The following DNAH7 variants were observed in gnomAD, a reference collection of about 807,000 sequenced individuals.
DNAH7 encodes the protein axonemal beta dynein heavy chain 7.
In DNAH7, 397 loss-of-function variants were observed where a neutral mutation model predicts 444.6. The observed-to-expected ratio is 0.89, with a 90% confidence interval of 0.82 to 0.97. The LOEUF is 0.97. DNAH7 is among the 50% of genes least tolerant of loss of function. The pLI, the probability that DNAH7 is intolerant of heterozygous loss-of-function variation, is 0.00. For synonymous variants in DNAH7, 1,636 were observed against 1,624.4 expected (o/e 1.01, Z -0.17); for missense variants, 4,902 against 4,800.8 (o/e 1.02, Z -0.62).
intron 27 of DNAH7, chr2:195,904,577 T>A (rs1164968664): frequency 1.3e-5 from 2 of 152,206 alleles, no homozygotes; most frequent in Non-Finnish European, 2.9e-5. Context: ...TATGATTAGA[T>A]TTCTTTTGAT....
At chr2:195,969,025 G>A (rs1691668611) in intron 17 of DNAH7, among the ~76,000 whole-genome samples, 2 of 152,252 alleles carry the variant, frequency 1.3e-5, no homozygotes, top group South Asian at 2.1e-4. Context: ...CAGCATCAGC[G>A]TTTCAAGACT....
At chr2:195,987,803 TACC>T (rs1693021840) in intron 13 of DNAH7, among the ~76,000 whole-genome samples, 151 bp downstream of exon 13, 1 of 152,098 alleles carries the variant, frequency 6.6e-6, no homozygotes, top group African/African-American at 2.4e-5. Flanking sequence ...ACTCAGGGCT[TACC>T]ACAATGCTAG....
rs766688323 is a variant in DNAH7, at chr2:196,054,108, A to G, written c.79-2859T>C. Among the ~76,000 whole-genome samples the G allele has an allele frequency of 5.3e-5, 8 of 152,236 alleles. 1 individual carries two copies. Among genetic ancestry groups the G allele is most frequent in the African/African-American group, 1.2e-4 (5 of 41,472 alleles). ...CCTGTCAGAGCCACCAATAGGTTCC[A>G]AAATATCTCCCTGTTAAAATCTAGC... On this transcript the variant is annotated intron_variant, in intron 2 of 64. Coordinates refer to ENST00000312428, the MANE Select transcript of DNAH7 (RefSeq NM_018897.3).
In DNAH7 at chr2:195,737,813, T is replaced by TAGTC. The variant is rs1692723854; in HGVS notation, c.*104_*107dup. ...ATAAGTAAATTCATAATTATAACTT[T>TAGTC]AGTCAAATGTATTTAAACAAACAAA... On this transcript the variant is annotated 3_prime_UTR_variant, in exon 65 of 65. Coordinates refer to ENST00000312428, the MANE Select transcript of DNAH7 (RefSeq NM_018897.3). 3 of 921,404 alleles carry TAGTC rather than the reference T, an allele frequency of 3.3e-6. No individual in the cohort carries two copies. Among genetic ancestry groups the TAGTC allele is most frequent in the South Asian group, 1.7e-5 (1 of 57,206 alleles). The allele number at this position is 921,404 out of a possible 1,614,324, so 57.1% of individuals were successfully genotyped here. A position where few individuals can be genotyped will look rare whatever the true frequency, so the allele number is the denominator to read the frequency against.
intron 10 of DNAH7, among the ~76,000 whole-genome samples, chr2:196,002,956 C>A (rs117549753): frequency 6.6e-6 from 1 of 150,444 alleles, no homozygotes; most frequent in Admixed American, 6.7e-5. Context: ...TGCAGTGAGC[C>A]GAGATGGTTC....
intron 49 of DNAH7, among the ~76,000 whole-genome samples, chr2:195,823,362 C>T (rs115852094): frequency 0.017 from 2,548 of 152,260 alleles, 67 homozygotes; most frequent in African/African-American, 0.058. Context: ...CCTAGTCACA[C>T]AATTCGGTCA....
At chr2:195,832,286 A>T (rs1470246894) in intron 48 of DNAH7, among the ~76,000 whole-genome samples, 1 of 152,312 alleles carries the variant, frequency 6.6e-6, no homozygotes, top group East Asian at 1.9e-4. Flanking sequence ...TGTGACTGAC[A>T]TCACAGAAAT....
chr2:195,846,949 A>ATATATG (rs1553535817), intron 46 of DNAH7, among the ~76,000 whole-genome samples: 2 of 137,216 alleles, frequency 1.5e-5, no homozygotes, highest in African/African-American at 5.7e-5. Context: ...ACTCCCATAT[A>ATATATG]TGTGTGTGTG....
chr2:195,814,053 G>GT (rs1697108870), intron 51 of DNAH7, among the ~76,000 whole-genome samples: 1 of 151,962 alleles, frequency 6.6e-6, no homozygotes, highest in Admixed American at 6.5e-5. Flanking sequence ...GGGGGAGAGG[G>GT]TTAGTGATCA....
intron 19 of DNAH7, among the ~76,000 whole-genome samples, chr2:195,950,465 C>T (rs1467623832): frequency 2.0e-5 from 3 of 151,954 alleles, no homozygotes; most frequent in South Asian, 2.1e-4. Flanking sequence ...TCCCCTTTAT[C>T]ATTTTTTTTA....
At chr2:195,826,467 A>G (rs769916438) in intron 48 of DNAH7, among the ~76,000 whole-genome samples, 6 of 152,228 alleles carry the variant, frequency 3.9e-5, no homozygotes, top group Non-Finnish European at 4.4e-5. Flanking sequence ...TGACAAAGCA[A>G]AGCAGGGACA....
intron 47 of DNAH7, among the ~76,000 whole-genome samples, chr2:195,834,887 A>G (rs542661798): frequency 6.6e-6 from 1 of 152,266 alleles, no homozygotes; most frequent in Non-Finnish European, 1.5e-5. Flanking sequence ...GCATAATTTT[A>G]TATCATCTGA....
intron 1 of DNAH7, among the ~76,000 whole-genome samples, chr2:196,067,378 C>T (rs1463134274): frequency 6.6e-6 from 1 of 152,070 alleles, no homozygotes; most frequent in African/African-American, 2.4e-5. Flanking sequence ...TTTTTTAAAT[C>T]TGATTACATT....
chr2:195,975,991 C>T (rs1183022972), intron 15 of DNAH7, among the ~76,000 whole-genome samples: 2 of 152,150 alleles, frequency 1.3e-5, no homozygotes, highest in African/African-American at 2.4e-5. Flanking sequence ...ACATTCACAA[C>T]TGTAGTGGCT....
intron 17 of DNAH7, among the ~76,000 whole-genome samples, chr2:195,969,570 C>T (rs182630784): frequency 2.6e-5 from 4 of 152,234 alleles, no homozygotes; most frequent in African/African-American, 4.8e-5. Flanking sequence ...TCTAAGCTGT[C>T]CTCTATGAAG....
At chr2:195,761,985 A>G (rs1214977656) in intron 61 of DNAH7, among the ~76,000 whole-genome samples, 1 of 152,230 alleles carries the variant, frequency 6.6e-6, no homozygotes, top group African/African-American at 2.4e-5. Context: ...TCTTGAGGAG[A>G]AAGACTAAAA....
intron 1 of DNAH7, 131 bp downstream of exon 1, chr2:196,068,566 G>C (rs1400750384): frequency 5.8e-6 from 7 of 1,206,774 alleles, no homozygotes; most frequent in East Asian, 2.7e-5. Context: ...GGCCACAAGT[G>C]GGGTGAAGGA....
chr2:196,037,326 C>A (rs1262111616), intron 5 of DNAH7, among the ~76,000 whole-genome samples: 1 of 151,772 alleles, frequency 6.6e-6, no homozygotes, highest in Non-Finnish European at 1.5e-5. Flanking sequence ...AACATAAGGA[C>A]AACAGAAACA....
Position 195,960,519 on chromosome 2 carries a change from C to T in DNAH7, c.2632G>A (p.Asp878Asn). Residue 878 changes from aspartate to asparagine, a missense_variant, in exon 18 of 65, where the codon GAC (aspartate) becomes AAC (asparagine). Physicochemically the swap from Asp to Asn is conservative, Grantham distance 23. Coordinates refer to ENST00000312428, the MANE Select transcript of DNAH7 (RefSeq NM_018897.3). ...TCTATATATGGTTCCAGATTCATGT[C>T]TAAAAAAGAGGAGACTGTGGAGTCA... ...SDDSTVSSFL[D>N]MNLEPYIDRF... The T allele has an allele frequency of 6.2e-7, 1 of 1,614,160 alleles. No homozygotes were observed. The highest frequency in any genetic ancestry group is 8.5e-7 in the Non-Finnish European group (1 of 1,180,016).
Sources: allele counts gnomAD v4.1 joint callset (sites outside exome capture counted in the v4.1 genomes callset), GRCh38; gene constraint gnomAD v4.1.1; transcripts MANE v1.5; gene names NCBI Gene and HGNC (gene_info 2026-07-23, HGNC 2026-07-21).